Variants in PPFIA2 observed in about 807,000 individuals in gnomAD.
PPFIA2 encodes liprin-alpha-2.
A neutral mutation model predicts 175.5 loss-of-function variants in PPFIA2; 46 were observed. The ratio of observed to expected loss-of-function variants is 0.26; its 90% confidence interval spans 0.21 to 0.34. The LOEUF (loss-of-function observed/expected upper bound fraction) is 0.34. PPFIA2 is among the 10% of genes least tolerant of loss of function. The pLI, the probability that PPFIA2 is intolerant of heterozygous loss-of-function variation, is 1.00. For missense variants in PPFIA2, 1,179 were observed against 1,506.1 expected (o/e 0.78, Z 3.60); for synonymous variants, 568 against 511.4 (o/e 1.11, Z -1.49).
At chr12:81,669,265 C>T (rs1444057256) in intron 4 of PPFIA2, among the ~76,000 whole-genome samples, 7 of 151,912 alleles carry the variant, frequency 4.6e-5, no homozygotes, top group Non-Finnish European at 7.4e-5. Flanking sequence ...TGAAGTTCAC[C>T]TTTGTAATTT....
intron 22 of PPFIA2, among the ~76,000 whole-genome samples, chr12:81,305,205 T>C (rs969053420): frequency 6.6e-6 from 1 of 152,180 alleles, no homozygotes; most frequent in Non-Finnish European, 1.5e-5. Context: ...GATCTCAATT[T>C]ATAAGAACTA....
intron 4 of PPFIA2, among the ~76,000 whole-genome samples, chr12:81,639,570 T>A (rs1169523799): frequency 6.6e-6 from 1 of 151,994 alleles, no homozygotes; most frequent in African/African-American, 2.4e-5. Flanking sequence ...ATAGTATTCC[T>A]AAAGTCAGCA....
At chr12:81,326,020 A>G (rs938675367) in intron 21 of PPFIA2, 150 bp from the exon 22 acceptor site, 2 of 583,516 alleles carry the variant, frequency 3.4e-6, no homozygotes, top group Admixed American at 2.8e-5. Flanking sequence ...ATAAAATGGC[A>G]TGGGTACATA....
In PPFIA2 at chr12:81,378,809, G is replaced by C. The variant is rs2036973400; in HGVS notation, c.985-2867C>G. Among the ~76,000 whole-genome samples, 3 of 152,170 alleles carry C rather than the reference G, an allele frequency of 2.0e-5. No individual in the cohort carries two copies. The South Asian group carries it at 6.2e-4, about 31-fold the overall frequency. On this transcript the variant is annotated intron_variant, in intron 9 of 32. Coordinates refer to ENST00000549396, the MANE Select transcript of PPFIA2 (RefSeq NM_003625.5). Reference sequence around the variant, plus strand: ...TAGTACATACTTGCTCCAAATGCTAGTTTGGGACACTTATTAACTCTGTTA... The same window carrying C: ...TAGTACATACTTGCTCCAAATGCTACTTTGGGACACTTATTAACTCTGTTA...
At chr12:81,540,001 G>T (rs2065960950) in intron 4 of PPFIA2, among the ~76,000 whole-genome samples, 1 of 151,942 alleles carries the variant, frequency 6.6e-6, no homozygotes, top group East Asian at 1.9e-4. Context: ...TAGCATTCCA[G>T]AAGAGGGGTT....
intron 3 of PPFIA2, among the ~76,000 whole-genome samples, chr12:81,722,388 A>G (rs1034785897): frequency 6.6e-6 from 1 of 151,230 alleles, no homozygotes; most frequent in African/African-American, 2.4e-5. Context: ...CAAGTCATAT[A>G]TTTATGATCT....
chr12:81,520,891 C>A (rs1440855041), intron 4 of PPFIA2, among the ~76,000 whole-genome samples: 1 of 152,028 alleles, frequency 6.6e-6, no homozygotes, highest in Non-Finnish European at 1.5e-5. Flanking sequence ...TGCCTGGTAG[C>A]CCAGGAAGAG....
At chr12:81,420,294 A>T (rs1226328021) in intron 7 of PPFIA2, among the ~76,000 whole-genome samples, 1 of 152,138 alleles carries the variant, frequency 6.6e-6, no homozygotes, top group Non-Finnish European at 1.5e-5. Flanking sequence ...AAAATGCCAC[A>T]AAAGGAACAC....
At chr12:81,580,198 T>C (rs1450816266) in intron 4 of PPFIA2, among the ~76,000 whole-genome samples, 2 of 151,862 alleles carry the variant, frequency 1.3e-5, no homozygotes, top group African/African-American at 4.8e-5. Flanking sequence ...ATGTCAAGCC[T>C]CATGATGGGT....
intron 4 of PPFIA2, among the ~76,000 whole-genome samples, chr12:81,508,546 G>C (rs929900081): frequency 9.0e-5 from 9 of 99,606 alleles, no homozygotes; most frequent in African/African-American, 3.4e-4. Flanking sequence ...AAAAAAAAAA[G>C]CTTTGTAAAA....
chr12:81,548,478 T>C (rs1014629157), intron 4 of PPFIA2, among the ~76,000 whole-genome samples: 1 of 152,158 alleles, frequency 6.6e-6, no homozygotes, highest in African/African-American at 2.4e-5. Context: ...TAAAGTTTGA[T>C]ATATTCAAAA....
rs537233510 is a variant in PPFIA2, at chr12:81,736,009, C to T, written c.249+17964G>A. 1.3e-4 allele frequency among the ~76,000 whole-genome samples: 19 copies of T among 151,884 alleles called. 1 individual carries two copies. The South Asian group carries it at 3.7e-3, about 30-fold the overall frequency. On this transcript the variant is annotated intron_variant, in intron 3 of 32. Coordinates refer to ENST00000549396, the MANE Select transcript of PPFIA2 (RefSeq NM_003625.5). ...TGAAATCAGTAAATGTTAAATTCTCCAATTTTGTTAATGTTTTTCAAGATT... is the reference window on the plus strand; with the variant it reads ...TGAAATCAGTAAATGTTAAATTCTCTAATTTTGTTAATGTTTTTCAAGATT...
chr12:81,598,135 T>C (rs1217650685), intron 4 of PPFIA2: 7 of 1,492,714 alleles, frequency 4.7e-6, no homozygotes, highest in African/African-American at 1.4e-5. Context: ...GACTAGAGGG[T>C]AAAATGAAAT....
intron 2 of PPFIA2, among the ~76,000 whole-genome samples, chr12:81,756,421 C>G (rs574414965): frequency 5.9e-5 from 9 of 152,102 alleles, no homozygotes; most frequent in African/African-American, 2.2e-4. Flanking sequence ...CCTAACAATC[C>G]CTCATTGTTA....
At chr12:81,704,543 G>C (rs1395003853) in intron 3 of PPFIA2, among the ~76,000 whole-genome samples, 1 of 152,010 alleles carries the variant, frequency 6.6e-6, no homozygotes, top group African/African-American at 2.4e-5. Flanking sequence ...TTTGATGGGA[G>C]TGACCTCAAA....
chr12:81,517,637 T>A (rs1161229638), intron 4 of PPFIA2, among the ~76,000 whole-genome samples: 1 of 152,142 alleles, frequency 6.6e-6, no homozygotes, highest in Non-Finnish European at 1.5e-5. Flanking sequence ...TGCAAGAGAA[T>A]CTTGAAGATG....
intron 4 of PPFIA2, among the ~76,000 whole-genome samples, chr12:81,624,555 T>C (rs2062460323): frequency 1.4e-5 from 2 of 146,276 alleles, no homozygotes; most frequent in South Asian, 2.1e-4. Flanking sequence ...TATAACAAAA[T>C]ATATATTTTA....
intron 5 of PPFIA2, among the ~76,000 whole-genome samples, chr12:81,452,998 ATTT>A (rs147380144): frequency 1.3e-5 from 2 of 150,984 alleles, no homozygotes; most frequent in African/African-American, 4.9e-5. Context: ...TTTTTTTTTA[ATTT>A]TTTTTTATTA....
At chr12:81,754,432 C>T (rs1249033007) in intron 2 of PPFIA2, among the ~76,000 whole-genome samples, 1 of 152,176 alleles carries the variant, frequency 6.6e-6, no homozygotes, top group Admixed American at 6.5e-5. Context: ...CTTTCTCTTT[C>T]CATGACATCA....
Sources: gnomAD v4.1 joint callset for allele counts (sites outside exome capture counted in the v4.1 genomes callset) on GRCh38, gnomAD v4.1.1 for gene constraint, MANE v1.5 for transcripts, NCBI Gene and HGNC (gene_info 2026-07-23, HGNC 2026-07-21) for gene names.